NFIA: variants seen among roughly 807,000 people sequenced by gnomAD.
NFIA encodes nuclear factor I A.
In NFIA, 8 loss-of-function variants were observed where a neutral mutation model predicts 62.8. The observed-to-expected ratio is 0.13, with a 90% CI of 0.07 to 0.23. The LOEUF is 0.23. Among genes scored for constraint, NFIA ranks in the 10% least tolerant of loss-of-function variants. NFIA has a pLI of 1.00. For missense variants in NFIA, 410 were observed against 642.1 expected, an observed-to-expected ratio of 0.64 and a Z score of 3.91; for synonymous variants, 235 against 238.1, an observed-to-expected ratio of 0.99 and a Z score of 0.12.
chr1:61,188,156 T>C (rs1284948034), intron 2 of NFIA, among the ~76,000 whole-genome samples: 2 of 152,112 alleles, frequency 1.3e-5, no homozygotes, highest in Non-Finnish European at 2.9e-5. Flanking sequence ...CAAGTGATTC[T>C]CCTGCCTCAG....
chr1:61,176,157 G>A (rs748977442), intron 2 of NFIA, among the ~76,000 whole-genome samples: 4 of 152,202 alleles, frequency 2.6e-5, no homozygotes, highest in Non-Finnish European at 4.4e-5. Flanking sequence ...GCAGGAGTCC[G>A]CTTAGGAAAG....
intron 4 of NFIA, among the ~76,000 whole-genome samples, chr1:61,343,894 G>C (rs1380603104): frequency 6.6e-6 from 1 of 152,186 alleles, no homozygotes; most frequent in Non-Finnish European, 1.5e-5. Context: ...CAGGGTGTCT[G>C]AATTATAGCA....
chr1:61,211,060 A>G (rs1348336267), intron 2 of NFIA, among the ~76,000 whole-genome samples: 3 of 152,210 alleles, frequency 2.0e-5, no homozygotes, highest in Non-Finnish European at 2.9e-5. Context: ...TTAGGAAGGA[A>G]GTTTGTACAC....
chr1:61,090,417 T>C (rs1259469072), intron 2 of NFIA, among the ~76,000 whole-genome samples: 2 of 152,200 alleles, frequency 1.3e-5, no homozygotes, highest in Non-Finnish European at 2.9e-5. Flanking sequence ...ATGAAATACC[T>C]GTGAAGTTTT....
intron 2 of NFIA, among the ~76,000 whole-genome samples, chr1:61,255,821 A>G (rs1390336392): frequency 6.6e-6 from 1 of 152,180 alleles, no homozygotes; most frequent in Non-Finnish European, 1.5e-5. Flanking sequence ...CAATTTATAT[A>G]TCACAGAAAT....
At chr1:61,227,394 A>G (rs1028614327) in intron 2 of NFIA, among the ~76,000 whole-genome samples, 7 of 152,216 alleles carry the variant, frequency 4.6e-5, no homozygotes, top group African/African-American at 1.7e-4. Context: ...GTCAGGAATC[A>G]TGCAGAACAG....
chr1:61,079,871 G>C (rs1646074229), upstream of NFIA, among the ~76,000 whole-genome samples: 1 of 152,164 alleles, frequency 6.6e-6, no homozygotes, highest in Non-Finnish European at 1.5e-5. Flanking sequence ...CTGTTTCTTT[G>C]TGCGTGTGTT....
chr1:61,175,332 G>C (rs1400542817), intron 2 of NFIA, among the ~76,000 whole-genome samples: 1 of 151,986 alleles, frequency 6.6e-6, no homozygotes, highest in Admixed American at 6.6e-5. Flanking sequence ...TGTAGAGACG[G>C]GCTTTCACCA....
intron 10 of NFIA, among the ~76,000 whole-genome samples, chr1:61,440,623 G>GT (rs959851196): frequency 1.2e-3 from 171 of 147,722 alleles, no homozygotes; most frequent in Admixed American, 1.1e-3. Context: ...TCTTTATTGT[G>GT]TTTTTTTTTC....
At chr1:61,183,604 T>G (rs1218434295) in intron 2 of NFIA, among the ~76,000 whole-genome samples, 1 of 152,230 alleles carries the variant, frequency 6.6e-6, no homozygotes, top group African/African-American at 2.4e-5. Flanking sequence ...TTGCTGGCAC[T>G]TGCTCCTTTG....
chr1:61,166,670 T>G (rs961218569), intron 2 of NFIA, among the ~76,000 whole-genome samples: 4 of 152,144 alleles, frequency 2.6e-5, no homozygotes, highest in Non-Finnish European at 4.4e-5. Context: ...CCTACCAAAC[T>G]ACTTATAGTT....
chr1:61,389,927 A>G (rs977828655), intron 7 of NFIA, among the ~76,000 whole-genome samples: 2 of 151,990 alleles, frequency 1.3e-5, no homozygotes, highest in Non-Finnish European at 2.9e-5. Flanking sequence ...CTATCTGGGG[A>G]CCCATTAATT....
chr1:61,329,417 C>G (rs1661165582), intron 3 of NFIA, among the ~76,000 whole-genome samples: 1 of 141,186 alleles, frequency 7.1e-6, no homozygotes, highest in African/African-American at 2.7e-5. Flanking sequence ...GAGTCTTGCT[C>G]TGTCACCCAT....
chr1:61,119,108 T>C (rs542583085), intron 2 of NFIA, among the ~76,000 whole-genome samples: 24 of 152,322 alleles, frequency 1.6e-4, no homozygotes, highest in Non-Finnish European at 3.2e-4. Context: ...AAAGGTATAA[T>C]GTATTCAAAC....
chr1:61,137,789 T>C (rs1647228053), intron 2 of NFIA, among the ~76,000 whole-genome samples: 1 of 152,216 alleles, frequency 6.6e-6, no homozygotes, highest in Admixed American at 6.5e-5. Flanking sequence ...TTGCCAAGGT[T>C]GATTATGATC....
chr1:61,349,722 G>A (rs1016246272), intron 4 of NFIA, among the ~76,000 whole-genome samples: 3 of 152,008 alleles, frequency 2.0e-5, no homozygotes, highest in African/African-American at 4.8e-5. Context: ...CTACAGGCAC[G>A]TGTCACTACA....
chr1:61,191,938 AGTTTT>A (rs974969982), intron 2 of NFIA, among the ~76,000 whole-genome samples: 2 of 148,430 alleles, frequency 1.3e-5, no homozygotes, highest in Non-Finnish European at 3.0e-5. Context: ...AAAAATAACA[AGTTTT>A]GTTGTTGTTG....
intron 2 of NFIA, among the ~76,000 whole-genome samples, chr1:61,252,963 G>A (rs936324335): frequency 6.6e-6 from 1 of 152,228 alleles, no homozygotes; most frequent in Non-Finnish European, 1.5e-5. Flanking sequence ...GGAATTGGCA[G>A]ATAGAGTTTA....
At chr1:61,260,671 C>T (rs945613338) in intron 2 of NFIA, among the ~76,000 whole-genome samples, 1 of 152,174 alleles carries the variant, frequency 6.6e-6, no homozygotes, top group Non-Finnish European at 1.5e-5. Context: ...AGCTCCGCCT[C>T]CCGGGTTCAT....
Sources: gnomAD v4.1 joint callset for allele counts (sites outside exome capture counted in the v4.1 genomes callset) on GRCh38, gnomAD v4.1.1 for gene constraint, MANE v1.5 for transcripts, NCBI Gene and HGNC (gene_info 2026-07-23, HGNC 2026-07-21) for gene names.